TMEM253: variants seen among roughly 807,000 people sequenced by gnomAD.
The protein encoded by TMEM253 is transmembrane protein C14orf176.
A neutral mutation model predicts 20.3 loss-of-function variants in TMEM253; 22 were observed. The observed-to-expected ratio is 1.08, with a 90% CI of 0.78 to 1.55. TMEM253 has a LOEUF of 1.55. TMEM253 is among the 40% of genes most tolerant of loss of function. The probability of loss-of-function intolerance (pLI) is 0.00; values close to 1 mark genes in which losing one functional copy is unlikely to be tolerated. For synonymous variants in TMEM253, 92 were observed against 102.6 expected (o/e 0.90, Z 0.62); for missense variants, 251 against 266.1 (o/e 0.94, Z 0.39).
At chr14:21,102,231 C>A (rs1340778685) in intron 4 of TMEM253, 111 bp downstream of exon 4, 2 of 1,421,376 alleles carry the variant, frequency 1.4e-6, no homozygotes, top group African/African-American at 1.4e-5. Context: ...TCAGCTGTCA[C>A]CACTGACTGG....
chr14:21,102,187 T>G, intron 4 of TMEM253, 67 bp downstream of exon 4: 1 of 1,496,532 alleles, frequency 6.7e-7, no homozygotes, highest in Non-Finnish European at 9.0e-7. Flanking sequence ...ACCCTCAGCC[T>G]AGGAAGTAAG....
exon 3 of TMEM253, chr14:21,101,975 A>G (rs754712981): frequency 2.2e-5 from 34 of 1,551,408 alleles, no homozygotes; most frequent in Non-Finnish European, 3.0e-5. Context: ...CTGGAGCCTC[A>G]GTAAGACCCA....
At chr14:21,101,090 G>A (rs1241564438), upstream of TMEM253, 1 of 352,564 alleles carries the variant, frequency 2.8e-6, no homozygotes, top group East Asian at 5.9e-5. Flanking sequence ...TCCTCTGCCA[G>A]GACAAGTTTG....
chr14:21,099,682 A>G (rs1463200879), upstream of TMEM253, among the ~76,000 whole-genome samples: 1 of 152,238 alleles, frequency 6.6e-6, no homozygotes, highest in African/African-American at 2.4e-5. Context: ...CATAGCCACT[A>G]ACATTGAGCA....
exon 7 of TMEM253, chr14:21,103,452 G>T (rs1889779172): frequency 6.7e-6 from 6 of 900,904 alleles, no homozygotes; most frequent in Non-Finnish European, 9.7e-6. Context: ...CTGAAAAGCT[G>T]CTTTCTCCCT....
upstream of TMEM253, among the ~76,000 whole-genome samples, chr14:21,100,273 G>A (rs954285648): frequency 6.6e-6 from 1 of 152,116 alleles, no homozygotes; most frequent in Admixed American, 6.5e-5. Context: ...GACTGAGGCA[G>A]GATGATTATT....
At chr14:21,102,862 GA>G in intron 6 of TMEM253, 83 bp downstream of exon 6, 1 of 1,495,088 alleles carries the variant, frequency 6.7e-7, no homozygotes, top group Non-Finnish European at 8.9e-7. Context: ...GCACTTAAGG[GA>G]AAATAATGGG....
At position 21,101,990 on chromosome 14, in the gene TMEM253, A is replaced by T; in HGVS notation, c.219+15A>T. On this transcript the variant is annotated intron_variant, in intron 3 of 6. Coordinates refer to ENST00000556585, the Ensembl canonical transcript of TMEM253. ...CTGGAGCCTCAGTAAGACCCACCAC[A>T]AGGGAGGGTGGAAGGTCCCAGGGCC... The T allele has an allele frequency of 6.4e-7, 1 of 1,550,868 alleles. No homozygotes were observed. Among genetic ancestry groups the T allele is most frequent in the Non-Finnish European group, 8.7e-7 (1 of 1,146,346 alleles).
In TMEM253 at chr14:21,102,056, C is replaced by A. The variant is rs1235775143; in HGVS notation, c.220-8C>A. 6.4e-7 allele frequency: 1 copy of A among 1,551,180 alleles called. No individual in the cohort carries two copies. Among genetic ancestry groups the A allele is most frequent in the African/African-American group, 1.4e-5 (1 of 73,044 alleles). ...CAGAGCTCAACACTTGCCCTTCTCA[C>A]CATTCAGGGTCTCCTCACTGGGACT... On this transcript the variant is annotated splice_region_variant and splice_polypyrimidine_tract_variant and intron_variant, in intron 3 of 6. Transcript: ENST00000556585.
chr14:21,099,004 C>G (rs769515528), upstream of TMEM253: 243 of 396,670 alleles, frequency 6.1e-4, no homozygotes, highest in Non-Finnish European at 8.4e-4. Context: ...TCGGTCCTTT[C>G]CGTTCTTGAT....
Position 21,102,326 on chromosome 14 carries a change from C to T in TMEM253, c.277-79C>T, listed in dbSNP as rs535456111. ...CTGAGAAGCAGAAGCTGAGTTTTGT[C>T]TTCAGCTAGGCTGCAAGTGGGGATT... is the stretch of plus-strand genomic sequence containing the variant. On this transcript the variant is annotated intron_variant, in intron 4 of 6. Coordinates refer to ENST00000556585, the Ensembl canonical transcript of TMEM253. The T allele has an allele frequency of 8.8e-5, 133 of 1,505,210 alleles. 4 individuals carry two copies. The South Asian group carries it at 1.6e-3, about 18-fold the overall frequency. 93.2% of individuals were successfully genotyped at this position (1,505,210 alleles called of 1,614,324 possible).
upstream of TMEM253, among the ~76,000 whole-genome samples, chr14:21,100,202 C>CA (rs1296790713): frequency 2.6e-5 from 4 of 152,052 alleles, no homozygotes; most frequent in African/African-American, 7.2e-5. Context: ...CCTGTCTCTA[C>CA]AAAAAATTTA....
intron 4 of TMEM253, 63 bp downstream of exon 4, chr14:21,102,183 A>C: frequency 1.3e-6 from 2 of 1,498,442 alleles, no homozygotes; most frequent in Non-Finnish European, 1.8e-6. Flanking sequence ...TACAACCCTC[A>C]GCCTAGGAAG....
In TMEM253 at chr14:21,102,224, G is replaced by A. The variant is rs897208794; in HGVS notation, c.276+104G>A. 11 of 1,436,978 alleles carry A rather than the reference G, an allele frequency of 7.7e-6. No individual in the cohort carries two copies. In the Admixed American group the frequency reaches 2.5e-4, roughly 32 times the overall value. 89.0% of individuals were successfully genotyped at this position (1,436,978 alleles called of 1,614,324 possible). ...GGCTAAGTGTTGACTCATTCTCTCA[G>A]CTGTCACCACTGACTGGCCTCAATC... On this transcript the variant is annotated intron_variant, in intron 4 of 6. Transcript: ENST00000556585.
upstream of TMEM253, among the ~76,000 whole-genome samples, chr14:21,099,428 G>A (rs117522219): frequency 0.015 from 2,324 of 152,268 alleles, 31 homozygotes; most frequent in Middle Eastern, 0.027. Flanking sequence ...CGTGGGAATT[G>A]AGGAGGAGTA....
At chr14:21,103,272 A>G (rs1889763657) in exon 7 of TMEM253, 1 of 1,548,998 alleles carries the variant, frequency 6.5e-7, no homozygotes, top group African/African-American at 1.4e-5. Flanking sequence ...AATGCTCTCC[A>G]GACATTCCTG....
exon 5 of TMEM253, chr14:21,102,459 G>A (rs1889702653): frequency 3.2e-6 from 5 of 1,551,704 alleles, no homozygotes; most frequent in Non-Finnish European, 4.4e-6. Context: ...TTTCATAGTG[G>A]TGGTGGTCGA....
At chr14:21,103,499 C>G in exon 7 of TMEM253, 1 of 556,262 alleles carries the variant, frequency 1.8e-6, no homozygotes, top group South Asian at 2.2e-5. Flanking sequence ...CCTCCCCATA[C>G]AGCTTCACAT....
Position 21,101,854 on chromosome 14 carries a change from C to T in TMEM253, c.109-11C>T, listed in dbSNP as rs1201024419. The T allele has an allele frequency of 1.3e-6, 2 of 1,550,400 alleles. No individual in the cohort carries two copies. The highest frequency in any genetic ancestry group is 1.7e-6 in the Non-Finnish European group (2 of 1,146,092). Reference sequence around the variant, plus strand: ...ACAGTTCCTCCCCAATTACCCTACCCTTACCCCCAGGTGAGCCAGCTATGG... The same window carrying T: ...ACAGTTCCTCCCCAATTACCCTACCTTTACCCCCAGGTGAGCCAGCTATGG... On this transcript the variant is annotated splice_polypyrimidine_tract_variant and intron_variant, in intron 2 of 6. Coordinates refer to ENST00000556585, the Ensembl canonical transcript of TMEM253.
Sources: gnomAD v4.1 joint callset for allele counts (sites outside exome capture counted in the v4.1 genomes callset) on GRCh38, gnomAD v4.1.1 for gene constraint, MANE v1.5 for transcripts, NCBI Gene and HGNC (gene_info 2026-07-23, HGNC 2026-07-21) for gene names.